Variants in PPP1CB observed in about 807,000 individuals in gnomAD.
The protein encoded by PPP1CB is serine/threonine-protein phosphatase PP1-beta catalytic subunit.
PPP1CB carries 2 observed loss-of-function variants against 43.7 expected under a neutral mutation model. That is an observed-to-expected ratio of 0.05 (90% CI 0.02 to 0.14). The LOEUF (loss-of-function observed/expected upper bound fraction) is 0.14, where lower values mean the gene tolerates loss of function less well. Among genes scored for constraint, PPP1CB ranks in the 10% least tolerant of loss-of-function variants. The pLI, the probability that PPP1CB is intolerant of heterozygous loss-of-function variation, is 1.00. For synonymous variants in PPP1CB, 136 were observed against 135.6 expected (o/e 1.00, Z -0.02); for missense variants, 84 against 398.0 (o/e 0.21, Z 6.71).
At chr2:28,792,471 A>G (rs1460531886) in intron 6 of PPP1CB, among the ~76,000 whole-genome samples, 1 of 152,140 alleles carries the variant, frequency 6.6e-6, no homozygotes, top group Non-Finnish European at 1.5e-5. Flanking sequence ...GCAGTAAGCC[A>G]AGATTGCACC....
intron 6 of PPP1CB, among the ~76,000 whole-genome samples, chr2:28,793,553 C>T (rs1424870612): frequency 6.6e-6 from 1 of 152,152 alleles, no homozygotes; most frequent in South Asian, 2.1e-4. Flanking sequence ...TGTCCCAGCT[C>T]CCTGTAGTCA....
chr2:28,781,316 T>C (rs531375612), intron 3 of PPP1CB, among the ~76,000 whole-genome samples: 2 of 152,296 alleles, frequency 1.3e-5, no homozygotes, highest in African/African-American at 2.4e-5. Flanking sequence ...ATTTAACATA[T>C]GCATTACCTC....
Position 28,801,839 on chromosome 2 carries a change from A to C in PPP1CB, c.*2536A>C, listed in dbSNP as rs1368390025. 6.6e-6 allele frequency: 1 copy of C among 152,206 alleles called. No individual in the cohort carries two copies. Among genetic ancestry groups the C allele is most frequent in the Admixed American group, 6.5e-5 (1 of 15,284 alleles). The allele number at this position is 152,206 out of a possible 1,614,324, so 9.4% of individuals were successfully genotyped here. A position where few individuals can be genotyped will look rare whatever the true frequency, so the allele number is the denominator to read the frequency against. On this transcript the variant is annotated 3_prime_UTR_variant, in exon 8 of 8. Coordinates refer to ENST00000395366, the MANE Select transcript of PPP1CB (RefSeq NM_002709.3). ...TAAAGCAAAGTTATGGTCGATTTCT[A>C]TTCTTGAAAGAATCAACTACAGTGA...
intron 2 of PPP1CB, 69 bp downstream of exon 2, chr2:28,777,051 G>C: frequency 2.0e-6 from 3 of 1,526,812 alleles, no homozygotes; most frequent in Middle Eastern, 3.5e-4. Context: ...TTAAGATCTA[G>C]AGAAAACATT....
rs1281036251 is a variant in PPP1CB at position 28,752,098 on chromosome 2, C to T, written c.-27C>T. On this transcript the variant is annotated 5_prime_UTR_variant, in exon 1 of 8. Coordinates refer to ENST00000395366, the MANE Select transcript of PPP1CB (RefSeq NM_002709.3). ...CGCCGAGAAGCCCTTGTTCCCGCTG[C>T]TGGGAAGGAGAGTCTGTGCCGACAA... 5.2e-6 allele frequency: 8 copies of T among 1,549,474 alleles called. No homozygotes were observed. In the African/African-American group the frequency reaches 5.5e-5, roughly 11 times the overall value.
chr2:28,771,792 A>G (rs544152837), intron 1 of PPP1CB, among the ~76,000 whole-genome samples: 16 of 152,244 alleles, frequency 1.1e-4, no homozygotes, highest in African/African-American at 3.6e-4. Context: ...ACATAAGGAA[A>G]TATGTTTAGA....
chr2:28,792,696 T>C (rs933012756), intron 6 of PPP1CB, among the ~76,000 whole-genome samples: 4 of 152,234 alleles, frequency 2.6e-5, no homozygotes, highest in Non-Finnish European at 5.9e-5. Context: ...GTAGGAGTTA[T>C]TTTAATAAGT....
At chr2:28,777,104 AT>A in intron 2 of PPP1CB, 122 bp downstream of exon 2, 1 of 987,832 alleles carries the variant, frequency 1.0e-6, no homozygotes, top group Non-Finnish European at 1.5e-6. Flanking sequence ...GCTTTACTAA[AT>A]AAAAGTGTAT....
intron 3 of PPP1CB, among the ~76,000 whole-genome samples, chr2:28,780,095 T>TG (rs1341885540): frequency 1.8e-5 from 2 of 110,978 alleles, no homozygotes; most frequent in Admixed American, 1.7e-4. Flanking sequence ...TTTTTTTTTT[T>TG]TTTTTTTTTT....
intron 1 of PPP1CB, among the ~76,000 whole-genome samples, chr2:28,757,491 A>C (rs1666522443): frequency 6.6e-6 from 1 of 152,190 alleles, no homozygotes; most frequent in Non-Finnish European, 1.5e-5. Context: ...AAATTGTTTA[A>C]TTCTGACCCA....
In PPP1CB at chr2:28,800,011, T is replaced by C. The variant is rs544912726; in HGVS notation, c.*708T>C. 1.3e-5 allele frequency: 2 copies of C among 152,580 alleles called. No individual in the cohort carries two copies. The highest frequency in any genetic ancestry group is 2.9e-5 in the Non-Finnish European group (2 of 67,934). 9.5% of individuals were successfully genotyped at this position (152,580 alleles called of 1,614,324 possible). On this transcript the variant is annotated 3_prime_UTR_variant, in exon 8 of 8. Coordinates refer to ENST00000395366, the MANE Select transcript of PPP1CB (RefSeq NM_002709.3). ...GCTTTATACAGGAATTGACACTGAT[T>C]TGGATTTGTGCACTCTAATTTTTAA... is the stretch of plus-strand genomic sequence containing the variant.
intron 1 of PPP1CB, among the ~76,000 whole-genome samples, chr2:28,760,778 T>A (rs1666624508): frequency 6.6e-6 from 1 of 152,222 alleles, no homozygotes; most frequent in South Asian, 2.1e-4. Context: ...TTTAAAACTT[T>A]AAATAGTAAA....
chr2:28,767,523 C>A (rs1666805396), intron 1 of PPP1CB, among the ~76,000 whole-genome samples: 1 of 152,124 alleles, frequency 6.6e-6, no homozygotes, highest in South Asian at 2.1e-4. Context: ...TAAAATGTTG[C>A]AGTACAGCAA....
At chr2:28,783,431 T>G (rs923287718) in intron 4 of PPP1CB, among the ~76,000 whole-genome samples, 33 of 152,090 alleles carry the variant, frequency 2.2e-4, no homozygotes, top group Admixed American at 9.8e-4. Flanking sequence ...TATATCAAAG[T>G]GGAATTCCTA....
intron 4 of PPP1CB, chr2:28,782,117 C>A (rs1055864275): frequency 1.3e-5 from 5 of 387,174 alleles, no homozygotes; most frequent in African/African-American, 4.3e-5. Flanking sequence ...CAGAAAGACA[C>A]CCCTGCTATT....
At chr2:28,792,223 C>T (rs1667403162) in intron 6 of PPP1CB, among the ~76,000 whole-genome samples, 1 of 151,934 alleles carries the variant, frequency 6.6e-6, no homozygotes, top group Non-Finnish European at 1.5e-5. Context: ...GCCTGTAATC[C>T]CAGCTACATG....
At chr2:28,765,140 AG>A (rs1666750900) in intron 1 of PPP1CB, among the ~76,000 whole-genome samples, 1 of 152,268 alleles carries the variant, frequency 6.6e-6, no homozygotes, top group African/African-American at 2.4e-5. Context: ...GCAATGGAAA[AG>A]TTTTTACACT....
rs574548405 is a variant in PPP1CB, at chr2:28,763,541, A to G, written c.52+11365A>G. ...TCACTCTTTTCTCATTATACTTGCT[A>G]TTTGTTTACCAATGTACCTGAAATG... On this transcript the variant is annotated intron_variant, in intron 1 of 7. Transcript: ENST00000395366. 4.0e-5 allele frequency among the ~76,000 whole-genome samples: 6 copies of G among 151,634 alleles called. No individual in the cohort carries two copies. In the East Asian group the frequency reaches 1.2e-3, roughly 29 times the overall value.
chr2:28,799,512 A>G lies in PPP1CB; in HGVS notation c.*209A>G, dbSNP rs1667564021. On this transcript the variant is annotated 3_prime_UTR_variant, in exon 8 of 8. Coordinates refer to ENST00000395366, the MANE Select transcript of PPP1CB (RefSeq NM_002709.3). Reference sequence around the variant, plus strand: ...ATAAGTATACTCTGTTATAGTCAACAAAGTTAAATCCAAATTCAAAATTAT... The same window carrying G: ...ATAAGTATACTCTGTTATAGTCAACGAAGTTAAATCCAAATTCAAAATTAT... The G allele has an allele frequency of 2.5e-6, 1 of 399,414 alleles. No homozygotes were observed. Among genetic ancestry groups the G allele is most frequent in the East Asian group, 3.7e-5 (1 of 26,764 alleles). The allele number at this position is 399,414 out of a possible 1,614,324, so 24.7% of individuals were successfully genotyped here. A position where few individuals can be genotyped will look rare whatever the true frequency, so the allele number is the denominator to read the frequency against.
Sources: allele counts gnomAD v4.1 joint callset (sites outside exome capture counted in the v4.1 genomes callset), GRCh38; gene constraint gnomAD v4.1.1; transcripts MANE v1.5; gene names NCBI Gene and HGNC (gene_info 2026-07-23, HGNC 2026-07-21).